The following SH3PXD2B variants were observed in gnomAD, a reference collection of about 807,000 sequenced individuals.
SH3PXD2B encodes SH3 and PX domain-containing protein 2B.
In SH3PXD2B, 37 loss-of-function variants were observed where a neutral mutation model predicts 73.1. That is an observed-to-expected ratio of 0.51 (90% confidence interval 0.39 to 0.67). The LOEUF (loss-of-function observed/expected upper bound fraction) is 0.67, where lower values mean the gene tolerates loss of function less well. SH3PXD2B is among the 30% of genes least tolerant of loss of function. SH3PXD2B has a pLI of 0.00. For synonymous variants in SH3PXD2B, 457 were observed against 480.5 expected (o/e 0.95, Z 0.64); for missense variants, 1,053 against 1,197.8 (o/e 0.88, Z 1.78).
chr5:172,442,400 C>T (rs956514578), intron 1 of SH3PXD2B, among the ~76,000 whole-genome samples: 1 of 152,140 alleles, frequency 6.6e-6, no homozygotes, highest in Non-Finnish European at 1.5e-5. Flanking sequence ...GTCATTTCTC[C>T]ACTTCATCAA....
chr5:172,391,310 A>G (rs1361181012), intron 4 of SH3PXD2B, among the ~76,000 whole-genome samples: 4 of 152,174 alleles, frequency 2.6e-5, no homozygotes. Flanking sequence ...TCATGTGTTT[A>G]CTAGTCATTC....
At chr5:172,361,578 A>G (rs1410644875) in intron 7 of SH3PXD2B, among the ~76,000 whole-genome samples, 2 of 152,020 alleles carry the variant, frequency 1.3e-5, no homozygotes, top group Non-Finnish European at 2.9e-5. Flanking sequence ...TTACGTCCCC[A>G]TGGTTGTGTC....
intron 9 of SH3PXD2B, among the ~76,000 whole-genome samples, chr5:172,351,668 CA>C: frequency 6.6e-6 from 1 of 151,750 alleles, no homozygotes; most frequent in Non-Finnish European, 1.5e-5. Context: ...TACCAGAACC[CA>C]AAAAAACAGG....
intron 6 of SH3PXD2B, among the ~76,000 whole-genome samples, chr5:172,368,570 T>TATATATATATTATATATATATAAA (rs1757606355): frequency 6.9e-5 from 1 of 14,558 alleles, no homozygotes; most frequent in Non-Finnish European, 9.5e-5. Context: ...ATATATAAAA[T>TATATATATATTATATATATATAAA]ATGTTATATA....
rs1756635907 is a variant in SH3PXD2B, at chr5:172,334,312, C to T, written c.*4057G>A. ...TCCGGTTCCAGCTCTGCAGCTCTGCCTGGGACCCTCGTGGAAACTTACTCT... is the reference window on the plus strand; with the variant it reads ...TCCGGTTCCAGCTCTGCAGCTCTGCTTGGGACCCTCGTGGAAACTTACTCT... On this transcript the variant is annotated 3_prime_UTR_variant, in exon 13 of 13. Coordinates refer to ENST00000311601, the MANE Select transcript of SH3PXD2B (RefSeq NM_001017995.3). The T allele has an allele frequency of 1.0e-6, 1 of 997,056 alleles. No individual in the cohort carries two copies. Among genetic ancestry groups the T allele is most frequent in the Non-Finnish European group, 1.2e-6 (1 of 838,918 alleles). The allele number at this position is 997,056 out of a possible 1,614,324, so 61.8% of individuals were successfully genotyped here. A position where few individuals can be genotyped will look rare whatever the true frequency, so the allele number is the denominator to read the frequency against.
rs1405103814 is a variant in SH3PXD2B, at chr5:172,336,173, G to A, written c.*2196C>T. The A allele has an allele frequency of 3.0e-6, 3 of 985,764 alleles. No individual in the cohort carries two copies. Among genetic ancestry groups the A allele is most frequent in the Non-Finnish European group, 3.6e-6 (3 of 830,268 alleles). 61.1% of individuals were successfully genotyped at this position (985,764 alleles called of 1,614,324 possible). ...CACTCACAAAGTATCTGAAAGCGTCGCTGAAAGGCAAAGAGCAAATCAGAA... is the reference window on the plus strand; with the variant it reads ...CACTCACAAAGTATCTGAAAGCGTCACTGAAAGGCAAAGAGCAAATCAGAA... On this transcript the variant is annotated 3_prime_UTR_variant, in exon 13 of 13. Transcript: ENST00000311601.
intron 4 of SH3PXD2B, among the ~76,000 whole-genome samples, chr5:172,394,288 T>C (rs528702073): frequency 5.9e-5 from 9 of 152,204 alleles, no homozygotes; most frequent in Non-Finnish European, 1.2e-4. Flanking sequence ...ATAATAATTA[T>C]GGCAAAAGAG....
At chr5:172,422,093 C>T (rs1581326957) in intron 2 of SH3PXD2B, among the ~76,000 whole-genome samples, 1 of 151,794 alleles carries the variant, frequency 6.6e-6, no homozygotes, top group Admixed American at 6.6e-5. Flanking sequence ...CTCCCGGGTT[C>T]AAGCAATTCT....
At chr5:172,398,092 C>T (rs991854767) in intron 3 of SH3PXD2B, among the ~76,000 whole-genome samples, 16 of 152,228 alleles carry the variant, frequency 1.1e-4, no homozygotes, top group Non-Finnish European at 2.1e-4. Flanking sequence ...GGAACCTTCT[C>T]CTTCCCCCTG....
Position 172,337,209 on chromosome 5 carries a change from TGGTG to T in SH3PXD2B, c.*1156_*1159del, listed in dbSNP as rs569119959. The T allele has an allele frequency of 1.0e-4, 101 of 985,534 alleles. No homozygotes were observed. The African/African-American group carries it at 1.6e-3, about 16-fold the overall frequency. The allele number at this position is 985,534 out of a possible 1,614,324, so 61.0% of individuals were successfully genotyped here. On this transcript the variant is annotated 3_prime_UTR_variant, in exon 13 of 13. Transcript: ENST00000311601. ...TATAGGCTGCTGTGGGCTGGAGGGA[TGGTG>T]GGTGTGGGAGCAGCCACGAATGCCC...
intron 5 of SH3PXD2B, among the ~76,000 whole-genome samples, chr5:172,377,172 T>C (rs966288705): frequency 2.0e-5 from 3 of 151,986 alleles, no homozygotes; most frequent in Non-Finnish European, 4.4e-5. Context: ...ACAGCATGCG[T>C]TTGCTCAAGC....
At chr5:172,343,748 C>T (rs544837369) in intron 12 of SH3PXD2B, among the ~76,000 whole-genome samples, 7 of 151,422 alleles carry the variant, frequency 4.6e-5, no homozygotes, top group South Asian at 4.2e-4. Context: ...GAGGTTGCAG[C>T]GAGCCAAGAT....
Position 172,338,234 on chromosome 5 carries a change from G to T in SH3PXD2B, c.*135C>A. On this transcript the variant is annotated 3_prime_UTR_variant, in exon 13 of 13. Transcript: ENST00000311601. The surrounding 1 kb of genome is among the most constrained non-coding windows in gnomAD (Gnocchi z 5.1). ...TCCGAAACTCACTCTCCACCCATGG[G>T]AGGCAAGAAGTCACAGTACCCCAGA... is the stretch of plus-strand genomic sequence containing the variant. 6.4e-7 allele frequency: 1 copy of T among 1,559,066 alleles called. No individual in the cohort carries two copies. Among genetic ancestry groups the T allele is most frequent in the Non-Finnish European group, 8.7e-7 (1 of 1,153,734 alleles).
chr5:172,336,040 C>G lies in SH3PXD2B; in HGVS notation c.*2329G>C. The G allele has an allele frequency of 1.0e-6, 1 of 996,334 alleles. No individual in the cohort carries two copies. The allele number at this position is 996,334 out of a possible 1,614,324, so 61.7% of individuals were successfully genotyped here. On this transcript the variant is annotated 3_prime_UTR_variant, in exon 13 of 13. Transcript: ENST00000311601. ...TGACCCCCGGGAGGAAGGAATGAAG[C>G]AAGAGAGAAACTCCTTCAGTGAAGT...
Position 172,337,123 on chromosome 5 carries a change from C to T in SH3PXD2B, c.*1246G>A, listed in dbSNP as rs776059475. ...AGGGAACAGGGCTCTGTGTCAACCA[C>T]CAGGACCCTGGCATTCTCCTGTCAT... On this transcript the variant is annotated 3_prime_UTR_variant, in exon 13 of 13. Transcript: ENST00000311601. 8 of 985,352 alleles carry T rather than the reference C, an allele frequency of 8.1e-6. No homozygotes were observed. Among genetic ancestry groups the T allele is most frequent in the Non-Finnish European group, 9.6e-6 (8 of 829,998 alleles). 61.0% of individuals were successfully genotyped at this position (985,352 alleles called of 1,614,324 possible). A position where few individuals can be genotyped will look rare whatever the true frequency, so the allele number is the denominator to read the frequency against.
At chr5:172,437,044 G>A (rs529242586) in intron 1 of SH3PXD2B, among the ~76,000 whole-genome samples, 1 of 152,312 alleles carries the variant, frequency 6.6e-6, no homozygotes, top group South Asian at 2.1e-4. Flanking sequence ...GAGCTTGGGA[G>A]TTAGTGACTG....
chr5:172,416,891 T>C (rs1758840029), intron 2 of SH3PXD2B, among the ~76,000 whole-genome samples: 1 of 151,870 alleles, frequency 6.6e-6, no homozygotes, highest in Admixed American at 6.6e-5. Context: ...AAATTTTTTG[T>C]AGAGATGGGA....
intron 2 of SH3PXD2B, among the ~76,000 whole-genome samples, chr5:172,415,796 C>A (rs565912888): frequency 3.9e-5 from 6 of 152,178 alleles, no homozygotes; most frequent in African/African-American, 1.4e-4. Flanking sequence ...CAAGCCAGGG[C>A]AGAAAGGGAG....
intron 5 of SH3PXD2B, among the ~76,000 whole-genome samples, chr5:172,374,956 G>A (rs868162351): frequency 7.2e-5 from 11 of 152,190 alleles, no homozygotes; most frequent in South Asian, 4.1e-4. Context: ...GGAACAGAGA[G>A]GCTAAGTAAT....
Sources: gnomAD v4.1 joint callset for allele counts (sites outside exome capture counted in the v4.1 genomes callset) on GRCh38, gnomAD v4.1.1 for gene constraint, Gnocchi (gnomAD v3.1) non-coding constraint, MANE v1.5 for transcripts, NCBI Gene and HGNC (gene_info 2026-07-23, HGNC 2026-07-21) for gene names.